The following PIP5K1C variants were observed in gnomAD, a reference collection of about 807,000 sequenced individuals.
PIP5K1C encodes the protein phosphatidylinositol 4-phosphate 5-kinase type-1 gamma.
Under a neutral mutation model 80.1 loss-of-function variants are expected in PIP5K1C, and 45 were observed. The observed-to-expected ratio is 0.56, with a 90% CI of 0.44 to 0.72. PIP5K1C has a LOEUF of 0.72. PIP5K1C is among the 30% of genes least tolerant of loss of function. The pLI is 0.00. For synonymous variants in PIP5K1C, 498 were observed against 420.1 expected, an observed-to-expected ratio of 1.19 and a Z score of -2.27; for missense variants, 753 against 954.6, an observed-to-expected ratio of 0.79 and a Z score of 2.78.
intron 1 of PIP5K1C, among the ~76,000 whole-genome samples, chr19:3,668,619 G>A (rs2035098124): frequency 6.6e-6 from 1 of 152,192 alleles, no homozygotes; most frequent in African/African-American, 2.4e-5. Flanking sequence ...GCCCTGAGGT[G>A]GGAAGCGATG....
At position 3,696,757 on chromosome 19, in the gene PIP5K1C, AGGGCCCGGGGCAGGCT is replaced by A. The variant is rs2036119741; in HGVS notation, c.94+3524_94+3539del. ...GGAGGGGAGGGCAGGGAGGGCAGGG[AGGGCCCGGGGCAGGCT>A]GTGCAGGGCCTGATGGGCTTCAAAG... is the stretch of plus-strand genomic sequence containing the variant. On this transcript the variant is annotated intron_variant, in intron 1 of 17. Transcript: ENST00000335312. This position sits in a 1 kb window ranked among gnomAD's most constrained non-coding sequence, Gnocchi z 4.1. Among the ~76,000 whole-genome samples the A allele has an allele frequency of 8.2e-6, 1 of 122,680 alleles. No individual in the cohort carries two copies. The highest frequency in any genetic ancestry group is 3.1e-5 in the African/African-American group (1 of 32,328). The allele number at this position is 122,680 out of a possible 152,430, so 80.5% of individuals were successfully genotyped here. A position where few individuals can be genotyped will look rare whatever the true frequency, so the allele number is the denominator to read the frequency against.
chr19:3,645,605 C>T (rs570982089), intron 11 of PIP5K1C, among the ~76,000 whole-genome samples: 3 of 152,184 alleles, frequency 2.0e-5, no homozygotes, highest in Non-Finnish European at 2.9e-5. Context: ...GGCAGCCCCA[C>T]ACACTGTGAG....
At chr19:3,694,213 A>AT (rs1459151734) in intron 1 of PIP5K1C, among the ~76,000 whole-genome samples, 3 of 146,636 alleles carry the variant, frequency 2.0e-5, no homozygotes, top group African/African-American at 7.4e-5. Flanking sequence ...CTCCATCTCA[A>AT]AAAAAAAAAA....
chr19:3,639,598 A>AT (rs759166457), intron 15 of PIP5K1C, among the ~76,000 whole-genome samples: 208 of 142,354 alleles, frequency 1.5e-3, no homozygotes, highest in Admixed American at 2.5e-3. Flanking sequence ...CACCCAACTA[A>AT]TTTTTTTTTT....
intron 1 of PIP5K1C, among the ~76,000 whole-genome samples, chr19:3,695,071 A>G (rs1015505351): frequency 1.3e-5 from 2 of 152,254 alleles, no homozygotes; most frequent in East Asian, 3.8e-4. Context: ...CGGCATGGAC[A>G]GATTCGGGTG....
chr19:3,670,819 C>A (rs1007816253), intron 1 of PIP5K1C, among the ~76,000 whole-genome samples: 1 of 152,072 alleles, frequency 6.6e-6, no homozygotes, highest in Non-Finnish European at 1.5e-5. Flanking sequence ...ACTGCAGGGG[C>A]GGGGACGGGG....
intron 1 of PIP5K1C, among the ~76,000 whole-genome samples, chr19:3,680,982 C>A (rs2035572500): frequency 6.6e-6 from 1 of 152,140 alleles, no homozygotes; most frequent in Non-Finnish European, 1.5e-5. Flanking sequence ...CCAGGATGGC[C>A]CTACCCCAGA....
intron 1 of PIP5K1C, among the ~76,000 whole-genome samples, chr19:3,678,706 G>A (rs1211053573): frequency 7.3e-5 from 10 of 136,156 alleles, no homozygotes; most frequent in Non-Finnish European, 1.6e-4. Flanking sequence ...ATGGAGGGCG[G>A]GAGGGATGGA....
At chr19:3,690,886 CG>C (rs1568361527) in intron 1 of PIP5K1C, among the ~76,000 whole-genome samples, 1 of 152,042 alleles carries the variant, frequency 6.6e-6, no homozygotes, top group East Asian at 1.9e-4. Context: ...GAAAATGGGC[CG>C]GGGAGGGTGG....
At chr19:3,660,901 AC>A in intron 5 of PIP5K1C, 64 bp downstream of exon 5, 3 of 1,323,618 alleles carry the variant, frequency 2.3e-6, no homozygotes, top group Non-Finnish European at 3.3e-6. Flanking sequence ...TGACCCACAG[AC>A]CCTCCGAGAC....
At chr19:3,651,119 A>G (rs1444570244) in intron 8 of PIP5K1C, among the ~76,000 whole-genome samples, 1 of 140,220 alleles carries the variant, frequency 7.1e-6, no homozygotes, top group African/African-American at 2.7e-5. Flanking sequence ...CAGTGGTGTG[A>G]TCTTGGCTCA....
At chr19:3,638,557 G>C (rs1273063387) in intron 16 of PIP5K1C, among the ~76,000 whole-genome samples, 1 of 152,248 alleles carries the variant, frequency 6.6e-6, no homozygotes, top group Non-Finnish European at 1.5e-5. Context: ...ACGACTTCCA[G>C]GGAGACGGGT....
intron 5 of PIP5K1C, among the ~76,000 whole-genome samples, chr19:3,660,543 G>C (rs945977746): frequency 6.6e-6 from 1 of 152,202 alleles, no homozygotes; most frequent in African/African-American, 2.4e-5. Flanking sequence ...GCCATGGCTA[G>C]AGCTAGGAGG....
chr19:3,638,895 C>T lies in PIP5K1C; in HGVS notation c.1909G>A (p.Asp637Asn), dbSNP rs753805692. The change falls in exon 16 of 18, where the codon GAC becomes AAC. Residue 637 changes from aspartate (D) to asparagine (N), a missense_variant. Asp to Asn is a conservative substitution (Grantham distance 23). Transcript: ENST00000335312. ...CCCGGGGCACTTACAAAGTAGATGT[C>T]GGTGGCGGGCGCGTCCTCCTCGTCC... Reference protein sequence around the residue: ...ASDEEDAPATDIYFPTDERSW... With the variant: ...ASDEEDAPATNIYFPTDERSW... 58 of 1,612,786 alleles carry T rather than the reference C, an allele frequency of 3.6e-5. No homozygotes were observed. Among genetic ancestry groups the T allele is most frequent in the Middle Eastern group, 3.3e-4 (2 of 6,070 alleles).
chr19:3,684,181 C>T (rs971788158), intron 1 of PIP5K1C, among the ~76,000 whole-genome samples: 2 of 152,146 alleles, frequency 1.3e-5, no homozygotes, highest in East Asian at 1.9e-4. Context: ...AAGAGCCTCC[C>T]GCTCACAGCG....
intron 16 of PIP5K1C, among the ~76,000 whole-genome samples, chr19:3,635,938 C>T (rs746241576): frequency 6.6e-6 from 1 of 152,166 alleles, no homozygotes; most frequent in Non-Finnish European, 1.5e-5. Flanking sequence ...CGAGATTGTG[C>T]CACTGCACTC....
intron 2 of PIP5K1C, among the ~76,000 whole-genome samples, chr19:3,665,526 C>T (rs1299186947): frequency 6.6e-6 from 1 of 152,158 alleles, no homozygotes; most frequent in South Asian, 2.1e-4. Flanking sequence ...ACGGTGTGAG[C>T]CAGGCCAGCC....
intron 1 of PIP5K1C, among the ~76,000 whole-genome samples, chr19:3,693,211 C>T (rs945630295): frequency 3.3e-5 from 5 of 152,178 alleles, no homozygotes; most frequent in East Asian, 1.9e-4. Context: ...ACCCCACTCC[C>T]GGAAACCTTC....
At chr19:3,644,964 A>G (rs2034150228) in intron 11 of PIP5K1C, among the ~76,000 whole-genome samples, 1 of 152,236 alleles carries the variant, frequency 6.6e-6, no homozygotes, top group Admixed American at 6.5e-5. Flanking sequence ...GGATGACGGA[A>G]TGATCCTGTG....
Sources: gnomAD v4.1 joint callset for allele counts (sites outside exome capture counted in the v4.1 genomes callset) on GRCh38, gnomAD v4.1.1 for gene constraint, Gnocchi (gnomAD v3.1) non-coding constraint, MANE v1.5 for transcripts, NCBI Gene and HGNC (gene_info 2026-07-23, HGNC 2026-07-21) for gene names.